KCNMB2: variants seen among roughly 807,000 people sequenced by gnomAD.
KCNMB2 encodes potassium calcium-activated channel subfamily M regulatory beta subunit 2.
A neutral mutation model predicts 24.5 loss-of-function variants in KCNMB2; 9 were observed. The observed-to-expected ratio is 0.37, with a 90% CI of 0.22 to 0.64. The LOEUF (loss-of-function observed/expected upper bound fraction) is 0.64. Ranked by LOEUF, KCNMB2 falls within the 30% of genes least tolerant of loss-of-function variation. KCNMB2 has a pLI of 0.63. For missense variants in KCNMB2, 226 were observed against 284.3 expected, an observed-to-expected ratio of 0.79 and a Z score of 1.47; for synonymous variants, 109 against 104.4, an observed-to-expected ratio of 1.04 and a Z score of -0.27.
intron 1 of KCNMB2, among the ~76,000 whole-genome samples, chr3:178,705,179 T>C (rs1044962153): frequency 6.6e-6 from 1 of 152,080 alleles, no homozygotes; most frequent in African/African-American, 2.4e-5. Context: ...ACTACATCCC[T>C]ATACAGCCCT....
chr3:178,811,211 T>C (rs992687644), intron 2 of KCNMB2, among the ~76,000 whole-genome samples: 2 of 152,218 alleles, frequency 1.3e-5, no homozygotes, highest in Non-Finnish European at 2.9e-5. Context: ...TTATTACATA[T>C]GTTAATATAC....
In KCNMB2 at chr3:178,825,561, GTAAGACCA is replaced by G. The variant is rs1560036844; in HGVS notation, c.57-24_57-17del. On this transcript the variant is annotated intron_variant, in intron 2 of 4. Transcript: ENST00000452583. Reference sequence around the variant, plus strand: ...GGCATGCTGATTAACTAAACTTAATGTAAGACCATATTGTTTTTAACCTCAGAAATATT... The same window carrying G: ...GGCATGCTGATTAACTAAACTTAATGTATTGTTTTTAACCTCAGAAATATT... The G allele has an allele frequency of 1.3e-6, 2 of 1,594,800 alleles. No individual in the cohort carries two copies. The highest frequency in any genetic ancestry group is 3.4e-5 in the Admixed American group (2 of 59,550).
At chr3:178,551,622 T>C (rs959261273) in intron 1 of KCNMB2, among the ~76,000 whole-genome samples, 2 of 152,214 alleles carry the variant, frequency 1.3e-5, no homozygotes, top group African/African-American at 4.8e-5. Flanking sequence ...TTGCACAACA[T>C]TTATTGAGCA....
At chr3:178,641,690 T>G (rs1040590407) in intron 1 of KCNMB2, among the ~76,000 whole-genome samples, 1 of 152,142 alleles carries the variant, frequency 6.6e-6, no homozygotes, top group Admixed American at 6.6e-5. Flanking sequence ...TAGTTAGGAC[T>G]TTTGGTACAA....
intron 1 of KCNMB2, among the ~76,000 whole-genome samples, chr3:178,649,526 T>C (rs1353801946): frequency 6.6e-6 from 1 of 152,048 alleles, no homozygotes; most frequent in African/African-American, 2.4e-5. Flanking sequence ...GGTAGGCTAT[T>C]AATTACTGCC....
intron 1 of KCNMB2, among the ~76,000 whole-genome samples, chr3:178,653,380 A>T (rs1044731920): frequency 2.0e-5 from 3 of 152,106 alleles, no homozygotes; most frequent in Non-Finnish European, 4.4e-5. Flanking sequence ...ATTTTCAAAT[A>T]ATAACAATTC....
intron 1 of KCNMB2, among the ~76,000 whole-genome samples, chr3:178,684,020 G>A (rs2108322485): frequency 6.6e-6 from 1 of 152,246 alleles, no homozygotes; most frequent in African/African-American, 2.4e-5. Context: ...AAAGCCCAGA[G>A]GAAAGGATCA....
intron 1 of KCNMB2, among the ~76,000 whole-genome samples, chr3:178,651,368 T>G (rs915070868): frequency 6.6e-6 from 1 of 152,146 alleles, no homozygotes; most frequent in African/African-American, 2.4e-5. Flanking sequence ...ACAAGGGATG[T>G]GAAGGACCTC....
At chr3:178,665,955 T>C (rs528111417) in intron 1 of KCNMB2, among the ~76,000 whole-genome samples, 1 of 152,276 alleles carries the variant, frequency 6.6e-6, no homozygotes, top group South Asian at 2.1e-4. Context: ...AGCCTTTCTA[T>C]TACGCCTCCA....
At chr3:178,732,506 C>T (rs1723185383) in intron 1 of KCNMB2, among the ~76,000 whole-genome samples, 1 of 152,140 alleles carries the variant, frequency 6.6e-6, no homozygotes, top group Non-Finnish European at 1.5e-5. Flanking sequence ...TTTAGTGTCA[C>T]ATTTTTGTGG....
intron 1 of KCNMB2, among the ~76,000 whole-genome samples, chr3:178,552,317 TA>T (rs1335114199): frequency 6.6e-6 from 1 of 152,176 alleles, no homozygotes; most frequent in East Asian, 1.9e-4. Context: ...ACAGATTTCC[TA>T]TTCTTTTCTT....
At chr3:178,649,251 T>C (rs1182166918) in intron 1 of KCNMB2, among the ~76,000 whole-genome samples, 1 of 152,192 alleles carries the variant, frequency 6.6e-6, no homozygotes. Flanking sequence ...TTTTAAGCTC[T>C]TTTAGTCTTG....
At chr3:178,792,810 T>G (rs1184108832) in intron 1 of KCNMB2, among the ~76,000 whole-genome samples, 1 of 152,214 alleles carries the variant, frequency 6.6e-6, no homozygotes, top group Non-Finnish European at 1.5e-5. Flanking sequence ...CAAAAACTAG[T>G]GATGGACTAA....
rs73047808 is a variant in KCNMB2 at position 178,696,672 on chromosome 3, C to T, written c.-67-110671C>T. On this transcript the variant is annotated intron_variant, in intron 1 of 4. Transcript: ENST00000452583. Reference sequence around the variant, plus strand: ...GATTTCTTTGCACTTGATTCTCTAGCTCTTTCAGTTGTGATATTAGGTTGT... The same window carrying T: ...GATTTCTTTGCACTTGATTCTCTAGTTCTTTCAGTTGTGATATTAGGTTGT... 1.7e-3 allele frequency among the ~76,000 whole-genome samples: 255 copies of T among 152,196 alleles called. 1 individual carries two copies. Among genetic ancestry groups the T allele is most frequent in the African/African-American group, 5.9e-3 (244 of 41,548 alleles).
chr3:178,731,054 C>T (rs1293238821), intron 1 of KCNMB2, among the ~76,000 whole-genome samples: 1 of 151,210 alleles, frequency 6.6e-6, no homozygotes, highest in Non-Finnish European at 1.5e-5. Context: ...GATATACAAC[C>T]AACATATTAA....
chr3:178,717,703 A>C (rs1276371341), intron 1 of KCNMB2, among the ~76,000 whole-genome samples: 1 of 152,182 alleles, frequency 6.6e-6, no homozygotes, highest in Non-Finnish European at 1.5e-5. Context: ...TTATCAACTT[A>C]TTCAGCAAGC....
chr3:178,700,756 T>G (rs1722061158), intron 1 of KCNMB2, among the ~76,000 whole-genome samples: 2 of 145,934 alleles, frequency 1.4e-5, no homozygotes. Context: ...AATATCTTTT[T>G]GATGAGTAGT....
intron 1 of KCNMB2, among the ~76,000 whole-genome samples, chr3:178,613,800 GTCT>G (rs1718581077): frequency 1.3e-5 from 2 of 152,184 alleles, no homozygotes; most frequent in African/African-American, 2.4e-5. Flanking sequence ...CCTTGAGGTA[GTCT>G]TCTTTGGGTT....
chr3:178,721,187 AC>A (rs200644078), intron 1 of KCNMB2, among the ~76,000 whole-genome samples: 1,638 of 152,284 alleles, frequency 0.011, 31 homozygotes, highest in African/African-American at 0.038. Context: ...TCAGCTTTCC[AC>A]ATATGGCTAG....
Sources: allele counts gnomAD v4.1 joint callset (sites outside exome capture counted in the v4.1 genomes callset), GRCh38; gene constraint gnomAD v4.1.1; transcripts MANE v1.5; gene names NCBI Gene and HGNC (gene_info 2026-07-23, HGNC 2026-07-21).